The following SPG7 variants were observed in gnomAD, a reference collection of about 807,000 sequenced individuals.
SPG7 encodes SPG7 matrix AAA peptidase subunit, paraplegin, also known as mitochondrial inner membrane m-AAA protease component paraplegin.
A neutral mutation model predicts 81.9 loss-of-function variants in SPG7; 103 were observed. That is an observed-to-expected ratio of 1.26 (90% CI 1.07 to 1.48). SPG7 has a LOEUF of 1.48. Among genes scored for constraint, SPG7 ranks in the 40% most tolerant of loss-of-function variants. The probability of loss-of-function intolerance (pLI) is 0.00; values close to 1 mark genes in which losing one functional copy is unlikely to be tolerated. For synonymous variants in SPG7, 534 were observed against 444.2 expected, an observed-to-expected ratio of 1.20 and a Z score of -2.54; for missense variants, 1,241 against 1,087.3, an observed-to-expected ratio of 1.14 and a Z score of -1.99.
rs570578995 is a variant in SPG7 at position 89,544,464 on chromosome 16, T to C, written c.1325-184T>C. 9 of 663,912 alleles carry C rather than the reference T, an allele frequency of 1.4e-5. No individual in the cohort carries two copies. In the South Asian group the frequency reaches 1.5e-4, roughly 11 times the overall value. The allele number at this position is 663,912 out of a possible 1,614,324, so 41.1% of individuals were successfully genotyped here. A position where few individuals can be genotyped will look rare whatever the true frequency, so the allele number is the denominator to read the frequency against. On this transcript the variant is annotated intron_variant, in intron 9 of 16. Transcript: ENST00000645818. ...AAAATAGGCAAATTCCTGTTCCTCC[T>C]GGTGATGCTGGCTGGGAGCGATGGG...
At chr16:89,531,865 C>A (rs1431494576) in intron 7 of SPG7, 39 bp from the exon 8 acceptor site, 3 of 1,611,848 alleles carry the variant, frequency 1.9e-6, no homozygotes, top group Non-Finnish European at 8.5e-7. Flanking sequence ...AAAACGGAAT[C>A]CCCAAGTAGT....
At chr16:89,531,835 C>A (rs1436348041) in intron 7 of SPG7, 69 bp from the exon 8 acceptor site, 3 of 1,537,456 alleles carry the variant, frequency 2.0e-6, no homozygotes, top group Non-Finnish European at 2.7e-6. Context: ...CCCAGAGAGA[C>A]CTTACCTCTA....
At chr16:89,516,217 A>G (rs2058094387) in intron 3 of SPG7, among the ~76,000 whole-genome samples, 1 of 150,812 alleles carries the variant, frequency 6.6e-6, no homozygotes, top group Non-Finnish European at 1.5e-5. Context: ...CAAACTTCTC[A>G]CCTCAGGTGA....
At position 89,547,983 on chromosome 16, in the gene SPG7, G is replaced by A. The variant is rs753649905; in HGVS notation, c.1553-20G>A. On this transcript the variant is annotated intron_variant, in intron 11 of 16. Transcript: ENST00000645818. ...TAGCAGAAACCCACCCACCCACACC[G>A]TGGCTGTTTGTGTTGACAGGGGCTG... is the stretch of plus-strand genomic sequence containing the variant. 3.6e-5 allele frequency: 57 copies of A among 1,599,006 alleles called. No homozygotes were observed. The highest frequency in any genetic ancestry group is 6.7e-5 in the Admixed American group (4 of 59,988).
Position 89,550,534 on chromosome 16 carries a change from G to A in SPG7, c.1704G>A (p.Gln568=), listed in dbSNP as rs778745821. ...KKSKILSKEE[Q]KVVAFHESGH... ...GCAAGATCCTGTCCAAGGAAGAACA[G>A]AAAGTGGTTGCGTTTCATGAGTCGG... The change falls in exon 13 of 17, where the codon CAG becomes CAA. Residue 568 remains glutamine, a synonymous_variant. Coordinates refer to ENST00000645818, the MANE Select transcript of SPG7 (RefSeq NM_003119.4). 1.9e-6 allele frequency: 3 copies of A among 1,613,912 alleles called. No homozygotes were observed. The highest frequency in any genetic ancestry group is 2.5e-6 in the Non-Finnish European group (3 of 1,180,010).
rs558333855 is a variant in SPG7 at position 89,543,028 on chromosome 16, A to G, written c.1325-1620A>G. 2.8e-5 allele frequency: 4 copies of G among 143,270 alleles called. No individual in the cohort carries two copies. In the East Asian group the frequency reaches 8.2e-4, roughly 29 times the overall value. 8.9% of individuals were successfully genotyped at this position (143,270 alleles called of 1,614,324 possible). A position where few individuals can be genotyped will look rare whatever the true frequency, so the allele number is the denominator to read the frequency against. On this transcript the variant is annotated intron_variant, in intron 9 of 16. Coordinates refer to ENST00000645818, the MANE Select transcript of SPG7 (RefSeq NM_003119.4). ...AGTGGCGTGATCTCGGCTCCCTGCA[A>G]GCTCCACCCTTCAGGTTCACGCCAT...
intron 9 of SPG7, chr16:89,539,240 T>G (rs969340462): frequency 3.3e-5 from 5 of 152,218 alleles, no homozygotes; most frequent in African/African-American, 9.6e-5. Context: ...GTTTTTACTG[T>G]GAAGTCTAAG....
intron 12 of SPG7, chr16:89,549,574 A>G (rs1346190698): frequency 3.9e-6 from 1 of 257,570 alleles, no homozygotes; most frequent in African/African-American, 2.3e-5. Flanking sequence ...AGGCTGCAGC[A>G]GGAGGATTGC....
chr16:89,525,496 G>A (rs929364022), intron 4 of SPG7, among the ~76,000 whole-genome samples: 3 of 152,186 alleles, frequency 2.0e-5, no homozygotes, highest in African/African-American at 7.2e-5. Context: ...TGGGGTGTGA[G>A]TGAGGGAGCA....
At chr16:89,524,387 A>G (rs999798627) in intron 4 of SPG7, 140 bp downstream of exon 4, 20 of 957,840 alleles carry the variant, frequency 2.1e-5, no homozygotes, top group Non-Finnish European at 3.1e-5. Context: ...GATTGAGGGC[A>G]TGCTTCTTTC....
At chr16:89,531,571 TC>T (rs2058342952) in intron 7 of SPG7, 2 of 351,638 alleles carry the variant, frequency 5.7e-6, no homozygotes, top group Non-Finnish European at 1.1e-5. Context: ...ACGGGGTTTT[TC>T]CATGTTGGCC....
At chr16:89,540,501 A>C (rs1182650175) in intron 9 of SPG7, 1 of 152,118 alleles carries the variant, frequency 6.6e-6, no homozygotes, top group African/African-American at 2.4e-5. Flanking sequence ...TGGGAGGATC[A>C]CTTGAGCCTG....
chr16:89,532,195 C>G lies in SPG7; in HGVS notation c.1150+129C>G, dbSNP rs140156492. The G allele has an allele frequency of 4.5e-6, 5 of 1,100,950 alleles. No homozygotes were observed. The African/African-American group carries it at 4.6e-5, about 10-fold the overall frequency. 68.2% of individuals were successfully genotyped at this position (1,100,950 alleles called of 1,614,324 possible). A position where few individuals can be genotyped will look rare whatever the true frequency, so the allele number is the denominator to read the frequency against. On this transcript the variant is annotated intron_variant, in intron 8 of 16. Transcript: ENST00000645818. ...GGGGAGTAGAGAAGGAAAGCGAGGT[C>G]TGGGTTGGCGGAGGGGTTTTGTCTG...
rs930171660 is a variant in SPG7 at position 89,513,352 on chromosome 16, A to C, written c.376+315A>C. Among the ~76,000 whole-genome samples the C allele has an allele frequency of 7.2e-5, 11 of 152,036 alleles. No individual in the cohort carries two copies. The East Asian group carries it at 1.9e-3, about 27-fold the overall frequency. ...GCCAACATGGTGAAACCCCGTCTTT[A>C]CTAAAAATAGAAAATTAGCCGGGCG... On this transcript the variant is annotated intron_variant, in intron 3 of 16. Coordinates refer to ENST00000645818, the MANE Select transcript of SPG7 (RefSeq NM_003119.4).
chr16:89,528,368 G>A (rs1397585157), intron 5 of SPG7, among the ~76,000 whole-genome samples: 3 of 149,454 alleles, frequency 2.0e-5, no homozygotes, highest in African/African-American at 4.9e-5. Flanking sequence ...GTCTGGCCTG[G>A]GTGACAGAGC....
At chr16:89,515,974 G>T (rs1245667883) in intron 3 of SPG7, among the ~76,000 whole-genome samples, 1 of 151,922 alleles carries the variant, frequency 6.6e-6, no homozygotes, top group Admixed American at 6.6e-5. Flanking sequence ...CTTCCAAAGT[G>T]CTGGGATTAC....
At chr16:89,548,143 C>G (rs1449356304) in intron 12 of SPG7, 30 bp downstream of exon 12, 2 of 1,497,308 alleles carry the variant, frequency 1.3e-6, no homozygotes, top group Non-Finnish European at 9.2e-7. Flanking sequence ...GGTGAAGGCC[C>G]TCCTTAGCAG....
In SPG7 at chr16:89,544,753, T is replaced by C; in HGVS notation, c.1430T>C (p.Ile477Thr). 6 of 1,614,076 alleles carry C rather than the reference T, an allele frequency of 3.7e-6. No individual in the cohort carries two copies. Among genetic ancestry groups the C allele is most frequent in the Non-Finnish European group, 4.2e-6 (5 of 1,179,980 alleles). The change falls in exon 10 of 17, where the codon ATT (isoleucine) becomes ACT (threonine). Residue 477 changes from isoleucine to threonine, a missense_variant. Ile to Thr is a moderately conservative substitution (Grantham distance 89). Coordinates refer to ENST00000645818, the MANE Select transcript of SPG7 (RefSeq NM_003119.4). ...GGCCGACTGGACCGGCACGTCTTCA[T>C]TGATCTCCCCACGCTGCAGGTCAGA... Reference protein sequence around the residue: ...RPGRLDRHVFIDLPTLQERRE... With the variant: ...RPGRLDRHVFTDLPTLQERRE...
intron 16 of SPG7, chr16:89,555,569 G>A (rs1048332992): frequency 1.2e-5 from 3 of 258,718 alleles, no homozygotes; most frequent in Admixed American, 5.4e-5. Flanking sequence ...GGTCTTGGGA[G>A]TCCACATGGC....
Sources: allele counts gnomAD v4.1 joint callset (sites outside exome capture counted in the v4.1 genomes callset), GRCh38; gene constraint gnomAD v4.1.1; transcripts MANE v1.5; gene names NCBI Gene and HGNC (gene_info 2026-07-23, HGNC 2026-07-21).